The following SLC44A5 variants were observed in gnomAD, a reference collection of about 807,000 sequenced individuals.
The protein encoded by SLC44A5 is solute carrier family 44 member 5, also known as choline transporter-like protein 5.
Under a neutral mutation model 101.8 loss-of-function variants are expected in SLC44A5, and 57 were observed. That is an observed-to-expected ratio of 0.56 (90% CI 0.45 to 0.70). The LOEUF (loss-of-function observed/expected upper bound fraction) is 0.70. Ranked by LOEUF, SLC44A5 falls within the 30% of genes least tolerant of loss-of-function variation. The pLI, the probability that SLC44A5 is intolerant of heterozygous loss-of-function variation, is 0.00. For missense variants in SLC44A5, 737 were observed against 853.1 expected, an observed-to-expected ratio of 0.86 and a Z score of 1.70; for synonymous variants, 281 against 290.9, an observed-to-expected ratio of 0.97 and a Z score of 0.35.
intron 5 of SLC44A5, among the ~76,000 whole-genome samples, chr1:75,282,904 G>C (rs1278555755): frequency 6.6e-6 from 1 of 152,108 alleles, no homozygotes; most frequent in Non-Finnish European, 1.5e-5. Context: ...GTTTTTATTA[G>C]CAGTGTGAGA....
intron 6 of SLC44A5, among the ~76,000 whole-genome samples, chr1:75,259,028 TG>T (rs1447984765): frequency 2.0e-5 from 3 of 152,118 alleles, no homozygotes; most frequent in African/African-American, 4.8e-5. Flanking sequence ...CAAAGGTCAC[TG>T]ACTTTAAAGA....
chr1:75,251,421 T>C (rs1285584165), intron 6 of SLC44A5, 127 bp from the exon 7 acceptor site: 1 of 666,732 alleles, frequency 1.5e-6, no homozygotes, highest in Non-Finnish European at 2.5e-6. Flanking sequence ...CTGAAATATA[T>C]TCTCCCTCTC....
intron 1 of SLC44A5, among the ~76,000 whole-genome samples, chr1:75,560,526 T>C (rs977394876): frequency 6.6e-6 from 1 of 152,218 alleles, no homozygotes; most frequent in African/African-American, 2.4e-5. Flanking sequence ...GTTGCACAAC[T>C]CTGTGAATAT....
At chr1:75,295,925 T>C (rs2100841871) in intron 5 of SLC44A5, among the ~76,000 whole-genome samples, 1 of 152,322 alleles carries the variant, frequency 6.6e-6, no homozygotes, top group Admixed American at 6.5e-5. Context: ...GACTGTATTA[T>C]TGCCCCAAAA....
At chr1:75,582,135 C>G (rs1448245201) in intron 1 of SLC44A5, 3 of 748,288 alleles carry the variant, frequency 4.0e-6, no homozygotes, top group Non-Finnish European at 7.3e-6. Context: ...CAACTGGTCC[C>G]GAATATGGCA....
At chr1:75,318,456 T>A (rs1456506418) in intron 4 of SLC44A5, among the ~76,000 whole-genome samples, 4 of 152,160 alleles carry the variant, frequency 2.6e-5, no homozygotes, top group African/African-American at 4.8e-5. Flanking sequence ...GATGTATAGA[T>A]AAAAGTGAAA....
At chr1:75,380,771 T>C (rs1570062771) in intron 3 of SLC44A5, among the ~76,000 whole-genome samples, 1 of 82,158 alleles carries the variant, frequency 1.2e-5, no homozygotes, top group South Asian at 3.7e-4. Flanking sequence ...TCCACGGAGA[T>C]GGTAACACCA....
chr1:75,415,300 C>T (rs577371809), intron 2 of SLC44A5, among the ~76,000 whole-genome samples: 2 of 152,108 alleles, frequency 1.3e-5, no homozygotes, highest in African/African-American at 4.8e-5. Flanking sequence ...GTGAGTGGGA[C>T]TGACGAGATC....
intron 12 of SLC44A5, among the ~76,000 whole-genome samples, chr1:75,233,758 G>A (rs552189109): frequency 4.6e-5 from 7 of 152,190 alleles, no homozygotes; most frequent in African/African-American, 1.7e-4. Flanking sequence ...GGCTGGTAGG[G>A]AAAAGAGTAA....
intron 10 of SLC44A5, among the ~76,000 whole-genome samples, chr1:75,237,271 C>T (rs79487864): frequency 0.021 from 3,243 of 152,110 alleles, 100 homozygotes; most frequent in African/African-American, 0.069. Context: ...TATAGCTGCA[C>T]GCAGAGAGAA....
At chr1:75,477,071 T>C (rs1022000459) in intron 2 of SLC44A5, among the ~76,000 whole-genome samples, 6 of 152,102 alleles carry the variant, frequency 3.9e-5, no homozygotes, top group Non-Finnish European at 5.9e-5. Flanking sequence ...AGAGAAACGA[T>C]CAGACAGCAG....
intron 1 of SLC44A5, among the ~76,000 whole-genome samples, chr1:75,566,512 G>T (rs1446834635): frequency 6.6e-6 from 1 of 152,128 alleles, no homozygotes. Flanking sequence ...CTGCTAAAAG[G>T]TAAATATTTT....
chr1:75,641,957 A>G, the SLC44A5 span: 1 of 1,602,704 alleles, frequency 6.2e-7, no homozygotes, highest in Non-Finnish European at 8.5e-7. Flanking sequence ...TCCAACCACA[A>G]TCTGCCTTTC....
At chr1:75,523,242 T>A (rs373242639) in intron 2 of SLC44A5, among the ~76,000 whole-genome samples, 7 of 152,158 alleles carry the variant, frequency 4.6e-5, no homozygotes, top group African/African-American at 1.7e-4. Flanking sequence ...TCAGGTAGCA[T>A]GTGGATATGA....
intron 2 of SLC44A5, among the ~76,000 whole-genome samples, chr1:75,472,685 A>G (rs2101735844): frequency 6.6e-6 from 1 of 152,296 alleles, no homozygotes; most frequent in South Asian, 2.1e-4. Context: ...CTCTTTAGAT[A>G]ATATTCCCTC....
At chr1:75,674,087 C>CAG in the SLC44A5 span, among the ~76,000 whole-genome samples, 2 of 151,858 alleles carry the variant, frequency 1.3e-5, no homozygotes, top group Non-Finnish European at 2.9e-5. Context: ...GCACCAGTCA[C>CAG]AGAGAGAGAG....
chr1:75,217,992 A>C, intron 17 of SLC44A5, 32 bp from the exon 18 acceptor site: 1 of 1,353,166 alleles, frequency 7.4e-7, no homozygotes, highest in Non-Finnish European at 1.1e-6. Context: ...ATAAGTTAAA[A>C]CTTAATACTA....
Position 75,387,141 on chromosome 1 carries a change from T to C in SLC44A5, c.52+9442A>G, listed in dbSNP as rs1661417729. Among the ~76,000 whole-genome samples, 3 of 152,236 alleles carry C rather than the reference T, an allele frequency of 2.0e-5. 1 individual carries two copies. The highest frequency in any genetic ancestry group is 4.2e-4 in the South Asian group (2 of 4,818). ...AACCTAGGCATTACCATTCAGGACA[T>C]AGGCTTGTGCAAGGACTTCATGTCT... On this transcript the variant is annotated intron_variant, in intron 3 of 23. Coordinates refer to ENST00000370859, the MANE Select transcript of SLC44A5 (RefSeq NM_001130058.2).
chr1:75,360,983 G>T (rs1453398829), intron 3 of SLC44A5, among the ~76,000 whole-genome samples: 1 of 151,940 alleles, frequency 6.6e-6, no homozygotes, highest in Non-Finnish European at 1.5e-5. Context: ...TTTAATTTTT[G>T]GCATCAGTGT....
Sources: gnomAD v4.1 joint callset for allele counts (sites outside exome capture counted in the v4.1 genomes callset) on GRCh38, gnomAD v4.1.1 for gene constraint, MANE v1.5 for transcripts, NCBI Gene and HGNC (gene_info 2026-07-23, HGNC 2026-07-21) for gene names.